SETBP1: variants seen among roughly 807,000 people sequenced by gnomAD.
The protein encoded by SETBP1 is SET binding protein 1, also known as SET-binding protein.
In SETBP1, 9 loss-of-function variants were observed where a neutral mutation model predicts 101.0. That is an observed-to-expected ratio of 0.09 (90% CI 0.05 to 0.16). The LOEUF (loss-of-function observed/expected upper bound fraction) is 0.16, where lower values mean the gene tolerates loss of function less well. Ranked by LOEUF, SETBP1 falls within the 10% of genes least tolerant of loss-of-function variation. The probability of loss-of-function intolerance (pLI) is 1.00; values close to 1 mark genes in which losing one functional copy is unlikely to be tolerated. For missense variants in SETBP1, 1,858 were observed against 2,033.8 expected (o/e 0.91, Z 1.66); for synonymous variants, 818 against 788.5 (o/e 1.04, Z -0.63).
intron 2 of SETBP1, among the ~76,000 whole-genome samples, chr18:44,798,686 TG>T (rs1473679446): frequency 1.3e-5 from 2 of 152,228 alleles, no homozygotes; most frequent in African/African-American, 4.8e-5. Context: ...TCTTCTCTGA[TG>T]CTGTGTTTTT....
In SETBP1 at chr18:44,691,755, A is replaced by G. The variant is rs117759485; in HGVS notation, c.-172-9420A>G. On this transcript the variant is annotated intron_variant, in intron 1 of 5. Coordinates refer to ENST00000649279, the MANE Select transcript of SETBP1 (RefSeq NM_015559.3). The stretch of plus-strand genomic sequence containing the variant: ...TCAGCAGAATCTGATAAAAAGGTGG[A>G]AGGTACCAGCCCTGGCTTTGAAGGG... 3.8e-4 allele frequency among the ~76,000 whole-genome samples: 58 copies of G among 152,260 alleles called. 1 individual carries two copies. In the East Asian group the frequency reaches 8.5e-3, roughly 22 times the overall value.
intron 2 of SETBP1, among the ~76,000 whole-genome samples, chr18:44,741,151 A>G (rs1285215807): frequency 6.6e-6 from 1 of 152,228 alleles, no homozygotes; most frequent in Admixed American, 6.5e-5. Context: ...TTGAGTACCT[A>G]TTCTGTCCCA....
At position 44,839,339 on chromosome 18, in the gene SETBP1, A is replaced by C. The variant is rs1048519719; in HGVS notation, c.487-29891A>C. 6.6e-5 allele frequency among the ~76,000 whole-genome samples: 10 copies of C among 152,270 alleles called. No individual in the cohort carries two copies. The South Asian group carries it at 1.2e-3, about 19-fold the overall frequency. ...TTCTCCACTTCCGTCACCCCGGGGG[A>C]TGGGCAGACTGGTGTGTGAATGGGG... On this transcript the variant is annotated intron_variant, in intron 2 of 5. Coordinates refer to ENST00000649279, the MANE Select transcript of SETBP1 (RefSeq NM_015559.3).
At chr18:44,918,132 C>T (rs1014728725) in intron 3 of SETBP1, among the ~76,000 whole-genome samples, 41 of 152,316 alleles carry the variant, frequency 2.7e-4, no homozygotes, top group Middle Eastern at 3.4e-3. Flanking sequence ...AGTTGTCAGA[C>T]AATTGGATTA....
chr18:45,041,824 G>T (rs1283660435), intron 5 of SETBP1, among the ~76,000 whole-genome samples: 1 of 151,942 alleles, frequency 6.6e-6, no homozygotes, highest in African/African-American at 2.4e-5. Context: ...AGGTGTGGTG[G>T]CATGCTCCTG....
chr18:44,935,684 C>T (rs1568225735), intron 3 of SETBP1, among the ~76,000 whole-genome samples: 1 of 152,212 alleles, frequency 6.6e-6, no homozygotes, highest in Non-Finnish European at 1.5e-5. Context: ...TCCACATGTG[C>T]AGAAGGGGAG....
intron 2 of SETBP1, among the ~76,000 whole-genome samples, chr18:44,741,657 C>T (rs911523051): frequency 2.0e-5 from 3 of 151,984 alleles, no homozygotes; most frequent in Non-Finnish European, 4.4e-5. Context: ...TGCCAAATTG[C>T]AGGGCTGGGT....
chr18:44,965,357 G>GTGTTGCCA (rs2071700202), intron 4 of SETBP1, among the ~76,000 whole-genome samples: 1 of 151,514 alleles, frequency 6.6e-6, no homozygotes, highest in Admixed American at 6.6e-5. Context: ...TCATTGGTCA[G>GTGTTGCCA]TGTTGCCATC....
intron 1 of SETBP1, among the ~76,000 whole-genome samples, chr18:44,690,142 A>C (rs1013019494): frequency 5.9e-5 from 9 of 152,252 alleles, no homozygotes; most frequent in African/African-American, 2.2e-4. Context: ...TCTGGGGAAC[A>C]TAAAACTCTT....
At chr18:44,833,143 A>G (rs1005856504) in intron 2 of SETBP1, among the ~76,000 whole-genome samples, 1 of 152,216 alleles carries the variant, frequency 6.6e-6, no homozygotes, top group African/African-American at 2.4e-5. Flanking sequence ...CTTATGTATC[A>G]CCATCACCTT....
At chr18:44,842,389 A>AATTACCGT (rs2072634237) in intron 2 of SETBP1, among the ~76,000 whole-genome samples, 1 of 152,140 alleles carries the variant, frequency 6.6e-6, no homozygotes, top group Non-Finnish European at 1.5e-5. Context: ...ATCACAACCA[A>AATTACCGT]ATTACCGTAA....
At chr18:44,865,140 G>T (rs933132122) in intron 2 of SETBP1, among the ~76,000 whole-genome samples, 1 of 152,202 alleles carries the variant, frequency 6.6e-6, no homozygotes, top group Non-Finnish European at 1.5e-5. Context: ...CTGCAGAGGT[G>T]CTCAGGGTTA....
intron 3 of SETBP1, among the ~76,000 whole-genome samples, chr18:44,890,422 TC>T (rs1263591948): frequency 6.6e-6 from 1 of 152,152 alleles, no homozygotes; most frequent in Admixed American, 6.6e-5. Context: ...TGAGAGATTG[TC>T]CTATTTCTCT....
intron 2 of SETBP1, among the ~76,000 whole-genome samples, chr18:44,794,664 A>C (rs938629540): frequency 1.3e-5 from 2 of 152,196 alleles, no homozygotes; most frequent in African/African-American, 4.8e-5. Context: ...GTTCTTACCC[A>C]GTGCTGTCCC....
intron 4 of SETBP1, among the ~76,000 whole-genome samples, chr18:44,978,759 C>A (rs1249346149): frequency 6.6e-6 from 1 of 152,176 alleles, no homozygotes; most frequent in Non-Finnish European, 1.5e-5. Context: ...GTTTCCTGCA[C>A]TGCAGACATG....
intron 3 of SETBP1, among the ~76,000 whole-genome samples, chr18:44,878,063 A>G (rs180937975): frequency 6.6e-6 from 1 of 152,326 alleles, no homozygotes; most frequent in East Asian, 1.9e-4. Flanking sequence ...TCTTATGCAG[A>G]AAATTTTTTC....
chr18:44,744,901 A>G (rs2070200436), intron 2 of SETBP1, among the ~76,000 whole-genome samples: 1 of 152,034 alleles, frequency 6.6e-6, no homozygotes, highest in Admixed American at 6.5e-5. Context: ...GGCATTGTCC[A>G]GGGTGGCGGG....
At chr18:44,993,491 TCTA>T (rs2072424969) in intron 4 of SETBP1, among the ~76,000 whole-genome samples, 1 of 152,050 alleles carries the variant, frequency 6.6e-6, no homozygotes, top group Non-Finnish European at 1.5e-5. Context: ...GATATATTTT[TCTA>T]CTTATTGCTG....
chr18:45,031,150 G>A (rs1166028727), intron 4 of SETBP1, among the ~76,000 whole-genome samples: 1 of 152,044 alleles, frequency 6.6e-6, no homozygotes, highest in Non-Finnish European at 1.5e-5. Context: ...CCCTGTTTCT[G>A]TCATCATATC....
Sources: gnomAD v4.1 joint callset for allele counts (sites outside exome capture counted in the v4.1 genomes callset) on GRCh38, gnomAD v4.1.1 for gene constraint, MANE v1.5 for transcripts, NCBI Gene and HGNC (gene_info 2026-07-23, HGNC 2026-07-21) for gene names.